Variants in NKAIN2 observed in about 807,000 individuals in gnomAD.
The protein encoded by NKAIN2 is sodium/potassium-transporting ATPase subunit beta-1-interacting protein 2.
NKAIN2 carries 14 observed loss-of-function variants against 32.6 expected under a neutral mutation model. The observed-to-expected ratio is 0.43, with a 90% CI of 0.28 to 0.67. The LOEUF (loss-of-function observed/expected upper bound fraction) is 0.67, where lower values mean the gene tolerates loss of function less well. Among genes scored for constraint, NKAIN2 ranks in the 30% least tolerant of loss-of-function variants. NKAIN2 has a pLI of 0.17. For synonymous variants in NKAIN2, 80 were observed against 87.2 expected (o/e 0.92, Z 0.46); for missense variants, 198 against 258.3 (o/e 0.77, Z 1.60).
intron 1 of NKAIN2, among the ~76,000 whole-genome samples, chr6:124,271,226 A>T (rs939201219): frequency 3.3e-5 from 5 of 150,030 alleles, no homozygotes; most frequent in Non-Finnish European, 7.4e-5. Flanking sequence ...CTCCTTTCTT[A>T]TTTTTTTTTG....
chr6:124,756,168 G>A (rs1194494591), intron 4 of NKAIN2, among the ~76,000 whole-genome samples: 1 of 152,030 alleles, frequency 6.6e-6, no homozygotes, highest in Non-Finnish European at 1.5e-5. Context: ...AATGAACAAC[G>A]GTTTAGGTGC....
chr6:124,718,738 G>T (rs577044877), intron 4 of NKAIN2, among the ~76,000 whole-genome samples: 25 of 151,924 alleles, frequency 1.6e-4, no homozygotes, highest in African/African-American at 6.0e-4. Context: ...TGCAACATGT[G>T]CTGGCAGAAA....
At chr6:123,839,451 C>T (rs1338755813) in intron 1 of NKAIN2, among the ~76,000 whole-genome samples, 2 of 152,068 alleles carry the variant, frequency 1.3e-5, no homozygotes, top group Non-Finnish European at 2.9e-5. Context: ...AGAATATGTA[C>T]TCCAATCCTA....
chr6:124,043,384 A>G (rs776234993), intron 1 of NKAIN2, among the ~76,000 whole-genome samples: 1 of 152,040 alleles, frequency 6.6e-6, no homozygotes, highest in African/African-American at 2.4e-5. Flanking sequence ...TTTCTTAAGG[A>G]TATTTATTTA....
chr6:124,339,954 T>C (rs1798051684), intron 2 of NKAIN2, among the ~76,000 whole-genome samples: 1 of 152,238 alleles, frequency 6.6e-6, no homozygotes, highest in African/African-American at 2.4e-5. Flanking sequence ...ACATCTTGAC[T>C]ATGTTCTTTC....
At chr6:124,794,892 A>G in intron 5 of NKAIN2, 1 of 931,368 alleles carries the variant, frequency 1.1e-6, no homozygotes, top group East Asian at 1.2e-4. Flanking sequence ...AAAAGGTTTG[A>G]CATTTCTGTA....
intron 1 of NKAIN2, among the ~76,000 whole-genome samples, chr6:123,916,429 T>G (rs914101004): frequency 2.0e-5 from 3 of 151,804 alleles, no homozygotes; most frequent in Non-Finnish European, 4.4e-5. Flanking sequence ...CCTGGCTAAT[T>G]TTTTTTGTAT....
chr6:124,347,312 C>G (rs1373951749), intron 2 of NKAIN2, among the ~76,000 whole-genome samples: 1 of 150,740 alleles, frequency 6.6e-6, no homozygotes. Context: ...AATTATGTGT[C>G]TTGGAGTTGC....
intron 1 of NKAIN2, among the ~76,000 whole-genome samples, chr6:124,083,031 A>G (rs1784043744): frequency 6.6e-6 from 1 of 152,028 alleles, no homozygotes. Flanking sequence ...TCTAGAAAAC[A>G]TAGACTGCTT....
At chr6:124,806,870 C>G (rs1391515453) in intron 5 of NKAIN2, among the ~76,000 whole-genome samples, 1 of 151,944 alleles carries the variant, frequency 6.6e-6, no homozygotes, top group Non-Finnish European at 1.5e-5. Flanking sequence ...TTTAAGCCAA[C>G]AAAGATCAAA....
chr6:124,112,956 T>A (rs912715803), intron 1 of NKAIN2, among the ~76,000 whole-genome samples: 17 of 149,638 alleles, frequency 1.1e-4, no homozygotes, highest in Non-Finnish European at 2.5e-4. Flanking sequence ...CTTACTTTCA[T>A]TGGGCTCTCA....
chr6:124,730,512 G>C (rs1776608736), intron 4 of NKAIN2, among the ~76,000 whole-genome samples: 1 of 123,880 alleles, frequency 8.1e-6, no homozygotes, highest in Non-Finnish European at 1.7e-5. Flanking sequence ...GCCATATGGA[G>C]AAAGCTGAAA....
At chr6:124,302,123 C>T (rs1796315081) in intron 2 of NKAIN2, among the ~76,000 whole-genome samples, 1 of 152,190 alleles carries the variant, frequency 6.6e-6, no homozygotes, top group Non-Finnish European at 1.5e-5. Flanking sequence ...ATAAGTCTCA[C>T]AAGATCTGAC....
chr6:124,415,569 A>G (rs532306605), intron 3 of NKAIN2, among the ~76,000 whole-genome samples: 12 of 152,252 alleles, frequency 7.9e-5, no homozygotes, highest in Non-Finnish European at 1.5e-4. Flanking sequence ...GATTAAACCA[A>G]TGGCCATTGA....
chr6:124,052,735 G>T (rs980260), intron 1 of NKAIN2, among the ~76,000 whole-genome samples: 1 of 151,988 alleles, frequency 6.6e-6, no homozygotes, highest in Non-Finnish European at 1.5e-5. Context: ...GTACTTAAAG[G>T]TATTCAAAGA....
At chr6:124,089,677 A>G (rs114513317) in intron 1 of NKAIN2, among the ~76,000 whole-genome samples, 1,813 of 152,110 alleles carry the variant, frequency 0.012, 39 homozygotes, top group African/African-American at 0.04. Context: ...TCTCTCCCTT[A>G]GAAAGAAGGG....
At chr6:123,838,263 T>A (rs193184908) in intron 1 of NKAIN2, among the ~76,000 whole-genome samples, 5 of 152,278 alleles carry the variant, frequency 3.3e-5, no homozygotes, top group Non-Finnish European at 7.4e-5. Flanking sequence ...AAGTCAACCT[T>A]TTAGTTTCTA....
chr6:123,867,833 A>G (rs943559971), intron 1 of NKAIN2, among the ~76,000 whole-genome samples: 5 of 150,930 alleles, frequency 3.3e-5, no homozygotes, highest in Non-Finnish European at 7.4e-5. Context: ...TTTGAGCATC[A>G]GTCAATTATT....
intron 4 of NKAIN2, among the ~76,000 whole-genome samples, chr6:124,785,005 T>G (rs534069415): frequency 6.6e-6 from 1 of 152,254 alleles, no homozygotes; most frequent in East Asian, 1.9e-4. Flanking sequence ...TTTCAGTCAT[T>G]ATTTCTTTGA....
Sources: allele counts gnomAD v4.1 joint callset (sites outside exome capture counted in the v4.1 genomes callset), GRCh38; gene constraint gnomAD v4.1.1; transcripts MANE v1.5; gene names NCBI Gene and HGNC (gene_info 2026-07-23, HGNC 2026-07-21).